The following HDLBP variants were observed in gnomAD, a reference collection of about 807,000 sequenced individuals.
HDLBP encodes the protein vigilin.
A neutral mutation model predicts 137.3 loss-of-function variants in HDLBP; 30 were observed. That is an observed-to-expected ratio of 0.22 (90% CI 0.16 to 0.30). The LOEUF is 0.30. HDLBP is among the 10% of genes least tolerant of loss of function. The pLI, the probability that HDLBP is intolerant of heterozygous loss-of-function variation, is 1.00. For missense variants in HDLBP, 1,119 were observed against 1,667.3 expected, an observed-to-expected ratio of 0.67 and a Z score of 5.73; for synonymous variants, 606 against 596.0, an observed-to-expected ratio of 1.02 and a Z score of -0.24.
intron 1 of HDLBP, among the ~76,000 whole-genome samples, chr2:241,312,887 G>A (rs1688921204): frequency 6.6e-6 from 1 of 152,212 alleles, no homozygotes; most frequent in Non-Finnish European, 1.5e-5. Context: ...TCAGGTCAGA[G>A]TATCTTAGAT....
At chr2:241,291,838 T>C (rs1172484657) in intron 1 of HDLBP, among the ~76,000 whole-genome samples, 2 of 152,080 alleles carry the variant, frequency 1.3e-5, no homozygotes, top group African/African-American at 4.8e-5. Flanking sequence ...TGTGCTCTAA[T>C]GATGGAGGAA....
intron 9 of HDLBP, among the ~76,000 whole-genome samples, 161 bp downstream of exon 9, chr2:241,254,890 G>A (rs546018771): frequency 6.6e-6 from 1 of 152,246 alleles, no homozygotes; most frequent in South Asian, 2.1e-4. Context: ...TGTTCTTTAA[G>A]CTAACACGGA....
chr2:241,246,001 T>TA (rs144464867), intron 16 of HDLBP, among the ~76,000 whole-genome samples: 14,505 of 151,998 alleles, frequency 0.095, 723 homozygotes, highest in Middle Eastern at 0.15. Context: ...TTGGAGAAAA[T>TA]AGAAAACCCC....
Position 241,260,476 on chromosome 2 carries a change from C to T in HDLBP, c.450+2235G>A, listed in dbSNP as rs75942701. Among the ~76,000 whole-genome samples the T allele has an allele frequency of 3.8e-4, 57 of 151,472 alleles. No individual in the cohort carries two copies. The Middle Eastern group carries it at 0.01, about 27-fold the overall frequency. Reference sequence around the variant, plus strand: ...CTGATCAACACTGAAGTCGCCGGAGCGCCAAAGAATCGATTATTTATCTGG... The same window carrying T: ...CTGATCAACACTGAAGTCGCCGGAGTGCCAAAGAATCGATTATTTATCTGG... On this transcript the variant is annotated intron_variant, in intron 5 of 27. Coordinates refer to ENST00000310931, the MANE Select transcript of HDLBP (RefSeq NM_005336.6).
intron 1 of HDLBP, among the ~76,000 whole-genome samples, chr2:241,304,628 T>C (rs1471136722): frequency 2.6e-5 from 4 of 152,346 alleles, no homozygotes; most frequent in Admixed American, 6.5e-5. Flanking sequence ...TAAATGCCAA[T>C]TGAATCAATG....
Position 241,233,970 on chromosome 2 carries a change from A to T in HDLBP, c.3145-7T>A. The T allele has an allele frequency of 5.0e-6, 8 of 1,614,070 alleles. No individual in the cohort carries two copies. Among genetic ancestry groups the T allele is most frequent in the Non-Finnish European group, 6.8e-6 (8 of 1,179,952 alleles). ...GCTTAAAACTCCTTAAAGCCTACAA[A>T]TGAAAGGAGCAAGAATGAGGCAAAG... On this transcript the variant is annotated splice_polypyrimidine_tract_variant and splice_region_variant and intron_variant, in intron 23 of 27. Transcript: ENST00000310931. The surrounding 1 kb of genome is among the most constrained non-coding windows in gnomAD (Gnocchi z 4.3).
rs1159601232 is a variant in HDLBP at position 241,238,698 on chromosome 2, A to G, written c.2700T>C (p.Thr900=). The G allele has an allele frequency of 6.3e-7, 1 of 1,589,794 alleles. No homozygotes were observed. The highest frequency in any genetic ancestry group is 1.7e-5 in the Admixed American group (1 of 58,900). The change falls in exon 20 of 28, where the codon ACT becomes ACC. Residue 900 remains threonine, a synonymous_variant. Coordinates refer to ENST00000310931, the MANE Select transcript of HDLBP (RefSeq NM_005336.6). This position sits in a 1 kb window ranked among gnomAD's most constrained non-coding sequence, Gnocchi z 4.9. ...ATTTAATTTGAACACTGAAATCCCG[A>G]GTAATCTGCTGGATTCTGGAACCTT... is the stretch of plus-strand genomic sequence containing the variant. ...GPKGSRIQQI[T]RDFSVQIKFP... is the part of the protein sequence containing the mutation.
intron 1 of HDLBP, among the ~76,000 whole-genome samples, chr2:241,283,429 A>G (rs2074684158): frequency 6.6e-6 from 1 of 152,084 alleles, no homozygotes; most frequent in South Asian, 2.1e-4. Flanking sequence ...ACAGCCTCAT[A>G]GTGCAAGAAG....
chr2:241,242,116 G>A (rs563791385), intron 17 of HDLBP, among the ~76,000 whole-genome samples: 73 of 152,250 alleles, frequency 4.8e-4, no homozygotes, highest in African/African-American at 1.1e-3. Context: ...TAGGGGTGAT[G>A]GAAAATGAAT....
chr2:241,238,413 G>A lies in HDLBP; in HGVS notation c.2749+236C>T, dbSNP rs567353126. 23 of 358,904 alleles carry A rather than the reference G, an allele frequency of 6.4e-5. No homozygotes were observed. The highest frequency in any genetic ancestry group is 1.1e-4 in the Non-Finnish European group (22 of 200,308). The allele number at this position is 358,904 out of a possible 1,614,324, so 22.2% of individuals were successfully genotyped here. On this transcript the variant is annotated intron_variant, in intron 20 of 27. Transcript: ENST00000310931. This position sits in a 1 kb window ranked among gnomAD's most constrained non-coding sequence, Gnocchi z 4.9. ...GCACGCTCCTCATCGCCTTGGGACTGGCTACCTTGTGTGTCTCTAGGACCT... is the reference window on the plus strand; with the variant it reads ...GCACGCTCCTCATCGCCTTGGGACTAGCTACCTTGTGTGTCTCTAGGACCT...
chr2:241,250,677 G>A (rs2072064349), intron 11 of HDLBP: 1 of 152,300 alleles, frequency 6.6e-6, no homozygotes, highest in Non-Finnish European at 1.5e-5. Flanking sequence ...GAAGGACCAC[G>A]AGGAGGGCTT....
At chr2:241,245,742 T>C (rs769900042) in intron 16 of HDLBP, among the ~76,000 whole-genome samples, 1 of 152,084 alleles carries the variant, frequency 6.6e-6, no homozygotes, top group Non-Finnish European at 1.5e-5. Context: ...GCCAAGGCTG[T>C]AGTGAGCCAT....
rs112882544 is a variant in HDLBP, at chr2:241,306,664, T to C, written c.-103+8906A>G. Among the ~76,000 whole-genome samples the C allele has an allele frequency of 1.0e-3, 155 of 151,986 alleles. 2 individuals carry two copies. The highest frequency in any genetic ancestry group is 3.3e-3 in the African/African-American group (136 of 41,450). ...TCATGCCTATTATCACAGCACTTCA[T>C]TGGGAGGCCGAGGCTGGCAGATCAT... On this transcript the variant is annotated intron_variant, in intron 1 of 27. Coordinates refer to ENST00000310931, the MANE Select transcript of HDLBP (RefSeq NM_005336.6).
At chr2:241,262,617 AG>A in intron 5 of HDLBP, 93 bp downstream of exon 5, 2 of 902,566 alleles carry the variant, frequency 2.2e-6, no homozygotes, top group Non-Finnish European at 3.6e-6. Context: ...TCCCACTGGT[AG>A]GAAGGGTCCA....
Position 241,240,035 on chromosome 2 carries a change from C to A in HDLBP, c.2257G>T (p.Val753Leu), listed in dbSNP as rs1220298990. The change falls in exon 18 of 28, where the codon GTG becomes TTG. Residue 753 changes from valine to leucine, a missense_variant. Physicochemically the swap from Val to Leu is conservative, Grantham distance 32. This residue lies in a region of HDLBP where 618 missense variants were observed against 816.7 expected (regional missense o/e 0.76). Transcript: ENST00000310931. This position sits in a 1 kb window ranked among gnomAD's most constrained non-coding sequence, Gnocchi z 5.5. ...IGKGGGKIRK[V>L]RDSTGARVIF... Reference sequence around the variant, plus strand: ...ACACGTGCTCCAGTGCTGTCGCGCACCTTGCGAATTTTGCCGCCCCCCTTG... The same window carrying A: ...ACACGTGCTCCAGTGCTGTCGCGCAACTTGCGAATTTTGCCGCCCCCCTTG... 3 of 1,614,208 alleles carry A rather than the reference C, an allele frequency of 1.9e-6. No homozygotes were observed. Among genetic ancestry groups the A allele is most frequent in the Non-Finnish European group, 2.5e-6 (3 of 1,180,052 alleles).
intron 1 of HDLBP, among the ~76,000 whole-genome samples, chr2:241,289,755 G>A (rs1176146843): frequency 9.2e-5 from 14 of 152,140 alleles, no homozygotes; most frequent in Non-Finnish European, 1.5e-5. Flanking sequence ...AGGGGAAGTA[G>A]GATCAGAATA....
rs1002698238 is a variant in HDLBP at position 241,227,300 on chromosome 2, G to A, written c.*2301C>T. 2 of 152,486 alleles carry A rather than the reference G, an allele frequency of 1.3e-5. No individual in the cohort carries two copies. The highest frequency in any genetic ancestry group is 3.2e-3 in the Middle Eastern group (1 of 316). 9.4% of individuals were successfully genotyped at this position (152,486 alleles called of 1,614,324 possible). ...GTCCCAGCATGCTACATCTGGTTTC[G>A]GGTTTTATTTTAGAATTTATAAAAT... On this transcript the variant is annotated 3_prime_UTR_variant, in exon 28 of 28. Coordinates refer to ENST00000310931, the MANE Select transcript of HDLBP (RefSeq NM_005336.6).
At chr2:241,235,731 C>T (rs2070327159) in intron 21 of HDLBP, 137 bp from the exon 22 acceptor site, 2 of 622,194 alleles carry the variant, frequency 3.2e-6, no homozygotes, top group East Asian at 2.7e-5. Context: ...ACAATGCCAC[C>T]AGGACCTTTA....
chr2:241,284,567 T>C (rs2074735024), intron 1 of HDLBP, among the ~76,000 whole-genome samples: 1 of 152,220 alleles, frequency 6.6e-6, no homozygotes, highest in South Asian at 2.1e-4. Flanking sequence ...ATTTAGAATA[T>C]TACATAAACT....
Sources: allele counts gnomAD v4.1 joint callset (sites outside exome capture counted in the v4.1 genomes callset), GRCh38; gene constraint gnomAD v4.1.1; regional missense constraint gnomAD v4.1.1; non-coding constraint Gnocchi (gnomAD v3.1); transcripts MANE v1.5; gene names NCBI Gene and HGNC (gene_info 2026-07-23, HGNC 2026-07-21).